COL4A4: variants seen among roughly 807,000 people sequenced by gnomAD.
COL4A4 encodes collagen alpha-4(IV) chain.
COL4A4 carries 105 observed loss-of-function variants against 192.9 expected under a neutral mutation model. The observed-to-expected ratio is 0.54, with a 90% confidence interval of 0.46 to 0.64. The LOEUF is 0.64. Ranked by LOEUF, COL4A4 falls within the 30% of genes least tolerant of loss-of-function variation. COL4A4 has a pLI of 0.00. For missense variants in COL4A4, 1,967 were observed against 2,169.3 expected, an observed-to-expected ratio of 0.91 and a Z score of 1.85; for synonymous variants, 762 against 769.9, an observed-to-expected ratio of 0.99 and a Z score of 0.17.
chr2:227,045,783 C>CAT lies in COL4A4; in HGVS notation c.3289+1690_3289+1691dup, dbSNP rs769553506. The stretch of plus-strand genomic sequence containing the variant: ...GACTCCATCTCAAAAAAAAAAAATA[C>CAT]ATATATATATATATACACATATATA... On this transcript the variant is annotated intron_variant, in intron 35 of 47. Transcript: ENST00000396625. Among the ~76,000 whole-genome samples, 541 of 56,878 alleles carry CAT rather than the reference C, an allele frequency of 9.5e-3. 71 individuals carry two copies. Among genetic ancestry groups the CAT allele is most frequent in the Middle Eastern group, 0.047 (5 of 106 alleles). 37.3% of individuals were successfully genotyped at this position (56,878 alleles called of 152,430 possible).
intron 13 of COL4A4, among the ~76,000 whole-genome samples, chr2:227,103,720 C>T (rs2060654926): frequency 6.6e-6 from 1 of 152,190 alleles, no homozygotes; most frequent in Non-Finnish European, 1.5e-5. Flanking sequence ...TTAACAAGCA[C>T]ATGTCATAAT....
At chr2:227,041,832 GAAAGAAAGAAAGAAAGAGAAAGA>G (rs1559477659) in intron 37 of COL4A4, among the ~76,000 whole-genome samples, 1 of 47,396 alleles carries the variant, frequency 2.1e-5, no homozygotes, top group African/African-American at 1.2e-4. Flanking sequence ...AAGAAAGAAA[GAAAGAAAGAAAGAAAGAGAAAGA>G]AAGAAAGAAA....
chr2:227,149,571 C>T (rs977680879), intron 1 of COL4A4, among the ~76,000 whole-genome samples: 1 of 152,108 alleles, frequency 6.6e-6, no homozygotes, highest in African/African-American at 2.4e-5. Context: ...TCAATAAAAA[C>T]AAATTCTTGT....
intron 19 of COL4A4, among the ~76,000 whole-genome samples, chr2:227,095,619 G>A (rs1207752276): frequency 6.6e-6 from 1 of 152,182 alleles, no homozygotes. Context: ...AGCTGGCCAG[G>A]CCCGGTGGCT....
chr2:227,016,457 G>A lies in COL4A4; in HGVS notation c.4217-4160C>T, dbSNP rs1297117122. 2.0e-5 allele frequency among the ~76,000 whole-genome samples: 3 copies of A among 152,134 alleles called. No homozygotes were observed. In the East Asian group the frequency reaches 5.8e-4, roughly 29 times the overall value. On this transcript the variant is annotated intron_variant, in intron 44 of 47. Coordinates refer to ENST00000396625, the MANE Select transcript of COL4A4 (RefSeq NM_000092.5). ...TGTGGGCCATTTACTGCCCATTTTA[G>A]TAACCCCAGTTACAGTGGAACACAG...
chr2:227,071,179 A>G lies in COL4A4; in HGVS notation c.1987+6715T>C, dbSNP rs114599247. ...AAGAGGCTAACACAGAAATACTCAT[A>G]TAAACTCAAGATAAAGGGGTAGGAA... is the stretch of plus-strand genomic sequence containing the variant. On this transcript the variant is annotated intron_variant, in intron 25 of 47. Coordinates refer to ENST00000396625, the MANE Select transcript of COL4A4 (RefSeq NM_000092.5). 4.9e-3 allele frequency among the ~76,000 whole-genome samples: 748 copies of G among 152,254 alleles called. 7 individuals are homozygous for G. The highest frequency in any genetic ancestry group is 0.017 in the African/African-American group (720 of 41,564).
chr2:227,050,892 C>T lies in COL4A4; in HGVS notation c.3150+85G>A, dbSNP rs1384228557. 1.2e-5 allele frequency: 19 copies of T among 1,528,176 alleles called. No homozygotes were observed. The East Asian group carries it at 2.7e-4, about 22-fold the overall frequency. 94.7% of individuals were successfully genotyped at this position (1,528,176 alleles called of 1,614,324 possible). On this transcript the variant is annotated intron_variant, in intron 33 of 47. Coordinates refer to ENST00000396625, the MANE Select transcript of COL4A4 (RefSeq NM_000092.5). Reference sequence around the variant, plus strand: ...GCCAGTGAAAGGGCAATGGTATATACGCTGGCAAATTATAGCTCCTTACGG... The same window carrying T: ...GCCAGTGAAAGGGCAATGGTATATATGCTGGCAAATTATAGCTCCTTACGG...
At chr2:227,049,351 C>A (rs952974591) in intron 34 of COL4A4, among the ~76,000 whole-genome samples, 1 of 152,220 alleles carries the variant, frequency 6.6e-6, no homozygotes, top group African/African-American at 2.4e-5. Flanking sequence ...GGGGCCAAAT[C>A]TAGCCTGCAG....
chr2:227,124,261 G>C (rs1056368281), intron 4 of COL4A4, among the ~76,000 whole-genome samples: 2 of 152,128 alleles, frequency 1.3e-5, no homozygotes, highest in African/African-American at 4.8e-5. Flanking sequence ...ATTCTATGAG[G>C]TTGGTGCAAA....
At chr2:227,011,840 G>A (rs1171545529) in intron 45 of COL4A4, among the ~76,000 whole-genome samples, 1 of 152,172 alleles carries the variant, frequency 6.6e-6, no homozygotes, top group Non-Finnish European at 1.5e-5. Context: ...GCCTCTTAAG[G>A]GTGATCCCAC....
At chr2:227,095,929 C>T (rs1285485813) in intron 19 of COL4A4, among the ~76,000 whole-genome samples, 2 of 152,138 alleles carry the variant, frequency 1.3e-5, no homozygotes, top group East Asian at 1.9e-4. Context: ...AAAAGATAGC[C>T]GGAAGCCTCT....
chr2:227,026,697 A>T (rs1966889824), intron 42 of COL4A4, among the ~76,000 whole-genome samples: 3 of 152,092 alleles, frequency 2.0e-5, no homozygotes, highest in Admixed American at 2.0e-4. Context: ...TCTCAAATAC[A>T]CATGTCTGTT....
At chr2:227,035,373 C>G (rs1433456626) in intron 37 of COL4A4, among the ~76,000 whole-genome samples, 1 of 152,108 alleles carries the variant, frequency 6.6e-6, no homozygotes, top group Non-Finnish European at 1.5e-5. Flanking sequence ...TAATTATTGT[C>G]TATTCATTTT....
chr2:227,063,334 T>C (rs1422280656), intron 25 of COL4A4, among the ~76,000 whole-genome samples: 4 of 152,196 alleles, frequency 2.6e-5, no homozygotes. Context: ...TTTTCTCTTT[T>C]ATATTAGGAA....
chr2:227,144,925 G>T (rs1236004363), intron 2 of COL4A4, among the ~76,000 whole-genome samples: 1 of 152,156 alleles, frequency 6.6e-6, no homozygotes, highest in Non-Finnish European at 1.5e-5. Flanking sequence ...CATGCACATT[G>T]CTGAGACCAG....
downstream of COL4A4, among the ~76,000 whole-genome samples, chr2:227,002,493 C>T (rs1463505086): frequency 6.6e-6 from 1 of 152,236 alleles, no homozygotes; most frequent in Non-Finnish European, 1.5e-5. Flanking sequence ...TGATACAGAC[C>T]TTCCCCCTGA....
At chr2:227,055,025 A>G (rs1974992539) in intron 30 of COL4A4, among the ~76,000 whole-genome samples, 1 of 152,200 alleles carries the variant, frequency 6.6e-6, no homozygotes, top group East Asian at 1.9e-4. Flanking sequence ...CCTAGCCTCA[A>G]GTGATCCACC....
At chr2:227,033,994 C>T (rs995788093) in intron 37 of COL4A4, among the ~76,000 whole-genome samples, 1 of 152,204 alleles carries the variant, frequency 6.6e-6, no homozygotes, top group Non-Finnish European at 1.5e-5. Context: ...GCTTGCCCTG[C>T]GATGCTCAGG....
At chr2:227,152,824 T>C (rs1443761427) in intron 1 of COL4A4, among the ~76,000 whole-genome samples, 7 of 152,190 alleles carry the variant, frequency 4.6e-5, no homozygotes, top group African/African-American at 1.2e-4. Context: ...CACGAATGAA[T>C]AGGTGTCATC....
Sources: gnomAD v4.1 joint callset for allele counts (sites outside exome capture counted in the v4.1 genomes callset) on GRCh38, gnomAD v4.1.1 for gene constraint, MANE v1.5 for transcripts, NCBI Gene and HGNC (gene_info 2026-07-23, HGNC 2026-07-21) for gene names.